TMX3: variants seen among roughly 807,000 people sequenced by gnomAD.
TMX3 encodes thioredoxin related transmembrane protein 3.
Under a neutral mutation model 64.4 loss-of-function variants are expected in TMX3, and 40 were observed. The ratio of observed to expected loss-of-function variants is 0.62; its 90% CI spans 0.48 to 0.81. The LOEUF is 0.81. TMX3 is among the 30% of genes least tolerant of loss of function. TMX3 has a pLI of 0.00. For missense variants in TMX3, 497 were observed against 534.5 expected, an observed-to-expected ratio of 0.93 and a Z score of 0.69; for synonymous variants, 189 against 175.7, an observed-to-expected ratio of 1.08 and a Z score of -0.60.
At chr18:68,707,703 A>G (rs939468395) in intron 4 of TMX3, among the ~76,000 whole-genome samples, 1 of 152,118 alleles carries the variant, frequency 6.6e-6, no homozygotes, top group Non-Finnish European at 1.5e-5. Context: ...GCCATTTTTG[A>G]GACTTACTGC....
chr18:68,677,283 C>T, intron 15 of TMX3, 90 bp from the exon 16 acceptor site: 1 of 1,401,592 alleles, frequency 7.1e-7, no homozygotes, highest in Non-Finnish European at 9.6e-7. Context: ...ATAGATTTCT[C>T]TTGTTGCTAT....
intron 10 of TMX3, chr18:68,687,144 TAC>T (rs745576105): frequency 2.8e-5 from 28 of 984,804 alleles, no homozygotes; most frequent in African/African-American, 2.6e-4. Flanking sequence ...TCCTAAAACT[TAC>T]AGTTAGCTTC....
chr18:68,713,003 TAA>T lies in TMX3; in HGVS notation c.101+841_101+842del, dbSNP rs34191235. On this transcript the variant is annotated intron_variant, in intron 2 of 15. Transcript: ENST00000299608. Reference sequence around the variant, plus strand: ...CTGTGACAGTGCAAGTCAAGAGGTTTAAAAAAAAAAAAAAAAAAAAGAGGCAC... The same window carrying T: ...CTGTGACAGTGCAAGTCAAGAGGTTTAAAAAAAAAAAAAAAAAAGAGGCAC... Among the ~76,000 whole-genome samples, 1,050 of 122,202 alleles carry T rather than the reference TAA, an allele frequency of 8.6e-3. 14 individuals are homozygous for T. The highest frequency in any genetic ancestry group is 0.028 in the African/African-American group (930 of 33,500). 80.2% of individuals were successfully genotyped at this position (122,202 alleles called of 152,430 possible).
At chr18:68,681,254 A>T in intron 13 of TMX3, 144 bp from the exon 14 acceptor site, 1 of 741,394 alleles carries the variant, frequency 1.3e-6, no homozygotes, top group Non-Finnish European at 1.9e-6. Flanking sequence ...GATCAAATAG[A>T]CCTAGTATTT....
Position 68,677,062 on chromosome 18 carries a change from C to T in TMX3, c.1236G>A (p.Val412=). The T allele has an allele frequency of 6.2e-7, 1 of 1,613,812 alleles. No individual in the cohort carries two copies. Among genetic ancestry groups the T allele is most frequent in the Non-Finnish European group, 8.5e-7 (1 of 1,179,824 alleles). ...CTTGGTTTTCATTTTCACTTTTAGA[C>T]ACTTCATATCGTTCTTCTATATAAC... ...DGGYIEERYE[V]SKSENENQEQ... Residue 412 remains valine (V), a synonymous_variant, in exon 16 of 16, where the codon GTG becomes GTA. Coordinates refer to ENST00000299608, the MANE Select transcript of TMX3 (RefSeq NM_019022.5).
chr18:68,706,675 T>G (rs1208591009), intron 4 of TMX3, among the ~76,000 whole-genome samples: 1 of 152,174 alleles, frequency 6.6e-6, no homozygotes, highest in East Asian at 1.9e-4. Flanking sequence ...AGCCAATCCT[T>G]TAGTGTTCTA....
chr18:68,688,063 A>G (rs1914136754), intron 9 of TMX3: 1 of 186,710 alleles, frequency 5.4e-6, no homozygotes, highest in Non-Finnish European at 1.1e-5. Flanking sequence ...GATAAAGATC[A>G]TTTATAAATT....
Position 68,681,123 on chromosome 18 carries a change from A to G in TMX3, c.906-13T>C, listed in dbSNP as rs1330561834. 3 of 1,540,082 alleles carry G rather than the reference A, an allele frequency of 1.9e-6. 1 individual carries two copies. Among genetic ancestry groups the G allele is most frequent in the Middle Eastern group, 3.5e-4 (2 of 5,658 alleles). ...GACTGTCAATTCACTGAAAATATAA[A>G]AACAAATCAAAATATACATTAAACA... On this transcript the variant is annotated splice_polypyrimidine_tract_variant and intron_variant, in intron 13 of 15. Coordinates refer to ENST00000299608, the MANE Select transcript of TMX3 (RefSeq NM_019022.5).
At chr18:68,684,366 A>G in intron 11 of TMX3, 62 bp downstream of exon 11, 1 of 1,535,222 alleles carries the variant, frequency 6.5e-7, no homozygotes, top group Middle Eastern at 1.7e-4. Context: ...TATCAAGTCT[A>G]TCTAAAGCCA....
At chr18:68,681,549 A>C (rs533382175) in intron 13 of TMX3, 484 of 984,942 alleles carry the variant, frequency 4.9e-4, no homozygotes, top group Non-Finnish European at 5.6e-4. Flanking sequence ...GTTCTTACTG[A>C]AATGAGAGGG....
intron 6 of TMX3, 63 bp downstream of exon 6, chr18:68,700,342 T>A: frequency 8.6e-7 from 1 of 1,158,516 alleles, no homozygotes; most frequent in Non-Finnish European, 1.2e-6. Context: ...ATACAGTCTA[T>A]TAAAATATAT....
chr18:68,700,696 T>A, intron 5 of TMX3: 2 of 959,740 alleles, frequency 2.1e-6, no homozygotes, highest in Non-Finnish European at 2.5e-6. Context: ...CTATTAAAAT[T>A]ACATGAAAAT....
At chr18:68,704,110 G>A (rs2030414038) in intron 4 of TMX3, among the ~76,000 whole-genome samples, 1 of 151,912 alleles carries the variant, frequency 6.6e-6, no homozygotes, top group Non-Finnish European at 1.5e-5. Flanking sequence ...GCTACAGGTT[G>A]GGATTTTAAA....
rs1186391505 is a variant in TMX3, at chr18:68,684,409, C to CTATA, written c.794+15_794+18dup. 1.9e-6 allele frequency: 3 copies of CTATA among 1,607,712 alleles called. No individual in the cohort carries two copies. In the East Asian group the frequency reaches 6.7e-5, roughly 36 times the overall value. ...TGAAATGAACATTTGAAGCTTAAAA[C>CTATA]TATATCAAGGCATTATACCTGGTAT... is the stretch of plus-strand genomic sequence containing the variant. On this transcript the variant is annotated intron_variant, in intron 11 of 15. Coordinates refer to ENST00000299608, the MANE Select transcript of TMX3 (RefSeq NM_019022.5).
At position 68,674,524 on chromosome 18, in the gene TMX3, T is replaced by C. The variant is rs1305376004; in HGVS notation, c.*2409A>G. On this transcript the variant is annotated 3_prime_UTR_variant, in exon 16 of 16. Transcript: ENST00000299608. ...TATTCATATAGAATCATGACAAAAT[T>C]TACCATGGAATTAGAATGATACCTA... 2.0e-5 allele frequency: 3 copies of C among 151,998 alleles called. No individual in the cohort carries two copies. The highest frequency in any genetic ancestry group is 4.4e-5 in the Non-Finnish European group (3 of 67,966). 9.4% of individuals were successfully genotyped at this position (151,998 alleles called of 1,614,324 possible). A position where few individuals can be genotyped will look rare whatever the true frequency, so the allele number is the denominator to read the frequency against.
rs748465744 is a variant in TMX3, at chr18:68,677,188, T to C, written c.1110A>G (p.Ile370Met). Residue 370 changes from isoleucine to methionine, a missense_variant, in exon 16 of 16, where the codon ATA (isoleucine) becomes ATG (methionine). By Grantham distance (10) the Ile-to-Met change is conservative (BLOSUM62 1). Around this residue, in one of 3 missense-constraint regions of TMX3, gnomAD observed 43 missense variants for 75.3 expected, o/e 0.57. Coordinates refer to ENST00000299608, the MANE Select transcript of TMX3 (RefSeq NM_019022.5). ...AGCCCATCAGTGGTGAGCTCTTGAA[T>C]ATAGACTGTGGAAAGAGAATTAAAA... ...VFDAKSTIVS[I>M]FKSSPLMGCF... 1 of 1,612,102 alleles carries C rather than the reference T, an allele frequency of 6.2e-7. No individual in the cohort carries two copies. The highest frequency in any genetic ancestry group is 8.5e-7 in the Non-Finnish European group (1 of 1,179,060).
intron 2 of TMX3, among the ~76,000 whole-genome samples, chr18:68,712,773 G>A (rs1297493936): frequency 2.0e-5 from 3 of 151,998 alleles, no homozygotes; most frequent in Non-Finnish European, 4.4e-5. Flanking sequence ...AAAACTTCCT[G>A]TAAACAATCA....
At chr18:68,704,096 T>G (rs570857268) in intron 4 of TMX3, among the ~76,000 whole-genome samples, 43 of 152,218 alleles carry the variant, frequency 2.8e-4, no homozygotes, top group African/African-American at 1.0e-3. Flanking sequence ...ACTCATCTCG[T>G]AGGGCTACAG....
intron 14 of TMX3, among the ~76,000 whole-genome samples, chr18:68,680,624 G>A (rs1849596007): frequency 6.6e-6 from 1 of 152,044 alleles, no homozygotes; most frequent in South Asian, 2.1e-4. Flanking sequence ...AACATACTAA[G>A]AGACAGGCAA....
Sources: gnomAD v4.1 joint callset for allele counts (sites outside exome capture counted in the v4.1 genomes callset) on GRCh38, gnomAD v4.1.1 for gene constraint, gnomAD v4.1.1 regional missense constraint, MANE v1.5 for transcripts, NCBI Gene and HGNC (gene_info 2026-07-23, HGNC 2026-07-21) for gene names.